The following DNMBP variants were observed in gnomAD, a reference collection of about 807,000 sequenced individuals.
DNMBP encodes dynamin-binding protein.
In DNMBP, 87 loss-of-function variants were observed where a neutral mutation model predicts 150.0. The observed-to-expected ratio is 0.58, with a 90% CI of 0.49 to 0.69. The LOEUF (loss-of-function observed/expected upper bound fraction) is 0.69, where lower values mean the gene tolerates loss of function less well. DNMBP is among the 30% of genes least tolerant of loss of function. DNMBP has a pLI of 0.00. For synonymous variants in DNMBP, 711 were observed against 750.4 expected, an observed-to-expected ratio of 0.95 and a Z score of 0.86; for missense variants, 1,774 against 1,949.0, an observed-to-expected ratio of 0.91 and a Z score of 1.69.
At chr10:99,934,822 G>C (rs2040206994) in intron 4 of DNMBP, among the ~76,000 whole-genome samples, 1 of 130,736 alleles carries the variant, frequency 7.6e-6, no homozygotes, top group Non-Finnish European at 1.6e-5. Context: ...GAAGAGGCCG[G>C]GCACAGTGGC....
At chr10:99,971,000 G>GAAAAAAAAAAAAAAAAAAAAAA (rs1554871865) in intron 2 of DNMBP, among the ~76,000 whole-genome samples, 2 of 112,006 alleles carry the variant, frequency 1.8e-5, no homozygotes, top group Admixed American at 9.4e-5. Context: ...AAAAAAAAAG[G>GAAAAAAAAAAAAAAAAAAAAAA]AAAGCAGTAG....
chr10:99,894,934 G>A lies in DNMBP; in HGVS notation c.3156+12C>T, dbSNP rs1412784167. On this transcript the variant is annotated intron_variant, in intron 11 of 16. Transcript: ENST00000324109. Reference sequence around the variant, plus strand: ...CGTATGTTAATCTAACTACAGTGATGTTGATGCTCACCCGGATGTGCTGGA... The same window carrying A: ...CGTATGTTAATCTAACTACAGTGATATTGATGCTCACCCGGATGTGCTGGA... 1 of 1,584,724 alleles carries A rather than the reference G, an allele frequency of 6.3e-7. No homozygotes were observed. Among genetic ancestry groups the A allele is most frequent in the Middle Eastern group, 1.7e-4 (1 of 6,000 alleles).
At chr10:99,936,132 C>G (rs2040227605) in intron 4 of DNMBP, among the ~76,000 whole-genome samples, 1 of 152,076 alleles carries the variant, frequency 6.6e-6, no homozygotes, top group Non-Finnish European at 1.5e-5. Context: ...AGCTTATAAT[C>G]AGATAATCAA....
chr10:99,918,940 C>T (rs2133263152), intron 4 of DNMBP, among the ~76,000 whole-genome samples: 1 of 152,260 alleles, frequency 6.6e-6, no homozygotes, highest in South Asian at 2.1e-4. Flanking sequence ...AAATAATCGA[C>T]ACAGCAAAGA....
intron 4 of DNMBP, among the ~76,000 whole-genome samples, chr10:99,938,532 G>T (rs890270885): frequency 2.0e-5 from 3 of 152,140 alleles, no homozygotes; most frequent in African/African-American, 7.2e-5. Flanking sequence ...GTGACACAGT[G>T]AGACTCCATC....
chr10:99,956,435 C>G lies in DNMBP; in HGVS notation c.1039G>C (p.Glu347Gln). ...QRHETSDHEA[E>Q]EPDCIISEAP... ...TCAGAAATAATGCAGTCAGGCTCCTCGGCCTCATGGTCACTGGTTTCATGT... is the reference window on the plus strand; with the variant it reads ...TCAGAAATAATGCAGTCAGGCTCCTGGGCCTCATGGTCACTGGTTTCATGT... Residue 347 changes from glutamate to glutamine, a missense_variant, in exon 4 of 17, where the codon GAG (glutamate) becomes CAG (glutamine). Transcript: ENST00000324109. The G allele has an allele frequency of 6.2e-7, 1 of 1,614,070 alleles. No individual in the cohort carries two copies. The highest frequency in any genetic ancestry group is 8.5e-7 in the Non-Finnish European group (1 of 1,180,026).
intron 4 of DNMBP, 113 bp from the exon 5 acceptor site, chr10:99,909,259 A>C: frequency 2.5e-6 from 2 of 789,866 alleles, no homozygotes; most frequent in Non-Finnish European, 3.9e-6. Flanking sequence ...ACTATTGTCA[A>C]CCCTCAGGAA....
chr10:99,879,871 TG>T lies in DNMBP; in HGVS notation c.4487del (p.Thr1496LysfsTer37), dbSNP rs2039336253. 6.2e-7 allele frequency: 1 copy of T among 1,614,262 alleles called. No homozygotes were observed. Among genetic ancestry groups the T allele is most frequent in the Non-Finnish European group, 8.5e-7 (1 of 1,180,054 alleles). On this transcript the variant is annotated frameshift_variant, in exon 16 of 17. Coordinates refer to ENST00000324109, the MANE Select transcript of DNMBP (RefSeq NM_015221.4). LOFTEE classifies it high-confidence loss of function. ...SQDLVKGCAR[T>X]AQAPEDRSTE... is the part of the protein sequence containing the mutation. ...TACTTCTGTCTTCCGGAGCCTGGGC[TG>T]TTCTTGCACATCCTTTGACGAGGTC...
At chr10:99,901,321 G>A (rs941094172) in intron 6 of DNMBP, among the ~76,000 whole-genome samples, 1 of 152,104 alleles carries the variant, frequency 6.6e-6, no homozygotes, top group Non-Finnish European at 1.5e-5. Flanking sequence ...GACACACACT[G>A]GTAACATTGG....
chr10:99,881,958 G>T (rs1590207929), intron 15 of DNMBP, among the ~76,000 whole-genome samples: 1 of 152,122 alleles, frequency 6.6e-6, no homozygotes. Context: ...TTTTAATTCT[G>T]GGAAGGTAGT....
Position 99,972,045 on chromosome 10 carries a change from T to C in DNMBP, c.80A>G (p.Asp27Gly), listed in dbSNP as rs1268452549. Reference sequence around the variant, plus strand: ...CACCACTGCCAGCACCTCAATAATATCTCCCACAAAGAGCGGCAGTTCTTC... The same window carrying C: ...CACCACTGCCAGCACCTCAATAATACCTCCCACAAAGAGCGGCAGTTCTTC... The part of the protein sequence containing the change: ...VSEELPLFVG[D>G]IIEVLAVVDE... The change falls in exon 2 of 17, where the codon GAT (aspartate) becomes GGT (glycine). Residue 27 changes from aspartate (D) to glycine (G), a missense_variant. Around this residue, in one of 2 missense-constraint regions of DNMBP, gnomAD observed 344 missense variants for 456.6 expected, o/e 0.75. Coordinates refer to ENST00000324109, the MANE Select transcript of DNMBP (RefSeq NM_015221.4). The C allele has an allele frequency of 6.2e-7, 1 of 1,613,760 alleles. No homozygotes were observed. The highest frequency in any genetic ancestry group is 2.2e-5 in the East Asian group (1 of 44,866).
chr10:99,915,214 TACACAC>T (rs10654941), intron 4 of DNMBP, among the ~76,000 whole-genome samples: 2 of 142,484 alleles, frequency 1.4e-5, no homozygotes, highest in South Asian at 2.2e-4. Flanking sequence ...CATATATACA[TACACAC>T]ACACACACAC....
chr10:99,920,279 T>G (rs1269041232), intron 4 of DNMBP, among the ~76,000 whole-genome samples: 1 of 152,148 alleles, frequency 6.6e-6, no homozygotes, highest in African/African-American at 2.4e-5. Context: ...TTCTCCATGT[T>G]GGTCACAGTG....
chr10:99,891,053 C>A (rs1328559429), intron 11 of DNMBP, among the ~76,000 whole-genome samples: 4 of 149,314 alleles, frequency 2.7e-5, no homozygotes, highest in Non-Finnish European at 2.9e-5. Flanking sequence ...CTGCTTCAAA[C>A]CTGATTTACT....
At chr10:99,882,149 C>T (rs989903678) in intron 15 of DNMBP, among the ~76,000 whole-genome samples, 3 of 151,976 alleles carry the variant, frequency 2.0e-5, no homozygotes, top group Admixed American at 6.6e-5. Flanking sequence ...ATCTCATTCA[C>T]GTGGAATCTA....
chr10:99,930,948 G>C (rs1187358708), intron 4 of DNMBP: 1 of 489,258 alleles, frequency 2.0e-6, no homozygotes, highest in Non-Finnish European at 3.5e-6. Flanking sequence ...TCAACCTCAG[G>C]ATCCAATCAG....
intron 4 of DNMBP, among the ~76,000 whole-genome samples, chr10:99,952,056 A>G (rs553126357): frequency 7.2e-4 from 110 of 152,206 alleles, no homozygotes; most frequent in Middle Eastern, 3.4e-3. Flanking sequence ...GAGAGTGAGT[A>G]AGTCTCATGA....
rs74870845 is a variant in DNMBP, at chr10:99,998,708, A to G, written c.-11+11130T>C. 8.6e-4 allele frequency among the ~76,000 whole-genome samples: 131 copies of G among 152,230 alleles called. 4 individuals are homozygous for G. The East Asian group carries it at 0.023, about 27-fold the overall frequency. On this transcript the variant is annotated intron_variant, in intron 1 of 16. Transcript: ENST00000324109. ...GTGGGAAATTGTGAACATTGACTAG[A>G]CTGTTGATTATATTAAGGAATTACT...
intron 4 of DNMBP, among the ~76,000 whole-genome samples, chr10:99,919,515 G>A (rs1564732014): frequency 6.6e-6 from 1 of 152,228 alleles, no homozygotes; most frequent in Non-Finnish European, 1.5e-5. Flanking sequence ...ATTATAGGCT[G>A]GGTGCTGTGA....
Sources: allele counts gnomAD v4.1 joint callset (sites outside exome capture counted in the v4.1 genomes callset), GRCh38; gene constraint gnomAD v4.1.1; regional missense constraint gnomAD v4.1.1; transcripts MANE v1.5; gene names NCBI Gene and HGNC (gene_info 2026-07-23, HGNC 2026-07-21).